Variants in AFF3 observed in about 807,000 individuals in gnomAD.
AFF3 encodes AF4/FMR2 family member 3.
AFF3 carries 32 observed loss-of-function variants against 129.7 expected under a neutral mutation model. The observed-to-expected ratio is 0.25, with a 90% confidence interval of 0.19 to 0.33. The LOEUF (loss-of-function observed/expected upper bound fraction) is 0.33. Ranked by LOEUF, AFF3 falls within the 10% of genes least tolerant of loss-of-function variation. AFF3 has a pLI of 1.00. For synonymous variants in AFF3, 644 were observed against 635.4 expected (o/e 1.01, Z -0.20); for missense variants, 1,373 against 1,592.0 (o/e 0.86, Z 2.34).
chr2:99,869,947 G>C (rs1691744255), intron 7 of AFF3, among the ~76,000 whole-genome samples: 1 of 152,222 alleles, frequency 6.6e-6, no homozygotes, highest in Non-Finnish European at 1.5e-5. Context: ...CACTGAACCA[G>C]ACACAAAGGA....
intron 8 of AFF3, among the ~76,000 whole-genome samples, chr2:99,754,163 T>C (rs11887420): frequency 0.11 from 16,210 of 152,280 alleles, 2,000 homozygotes; most frequent in African/African-American, 0.3. Flanking sequence ...CCTTCCATTT[T>C]CATTACTGGA....
At chr2:99,989,770 A>G (rs961836725) in intron 7 of AFF3, among the ~76,000 whole-genome samples, 7 of 152,234 alleles carry the variant, frequency 4.6e-5, no homozygotes, top group Non-Finnish European at 1.0e-4. Context: ...TTGAAAATTA[A>G]TTCAAAATAT....
chr2:99,901,460 G>A (rs1228188249), intron 7 of AFF3, among the ~76,000 whole-genome samples: 1 of 152,056 alleles, frequency 6.6e-6, no homozygotes, highest in Non-Finnish European at 1.5e-5. Context: ...CTTCACAGCC[G>A]AAGGGACACC....
chr2:99,668,734 G>T (rs1686903613), intron 12 of AFF3, among the ~76,000 whole-genome samples: 1 of 151,250 alleles, frequency 6.6e-6, no homozygotes, highest in South Asian at 2.1e-4. Context: ...GCTAATTTTT[G>T]TATTTTTGGT....
chr2:99,692,232 A>T (rs1013492061), intron 11 of AFF3, among the ~76,000 whole-genome samples: 1 of 152,076 alleles, frequency 6.6e-6, no homozygotes, highest in Non-Finnish European at 1.5e-5. Flanking sequence ...CTCCTGCAAG[A>T]CTCAGTCCCA....
At chr2:100,110,342 T>C (rs968942704) in intron 2 of AFF3, 2 of 152,184 alleles carry the variant, frequency 1.3e-5, no homozygotes, top group African/African-American at 2.4e-5. Context: ...ATCTGTGAAG[T>C]ATTAGCAGAC....
chr2:99,953,564 C>T (rs554023309), intron 7 of AFF3, among the ~76,000 whole-genome samples: 5 of 152,146 alleles, frequency 3.3e-5, no homozygotes, highest in Non-Finnish European at 7.3e-5. Context: ...GATTGTGGAT[C>T]GGTAATAGCT....
At chr2:99,620,307 C>A (rs1392348698) in intron 13 of AFF3, among the ~76,000 whole-genome samples, 4 of 152,148 alleles carry the variant, frequency 2.6e-5, no homozygotes, top group African/African-American at 9.7e-5. Flanking sequence ...ACTTCTAATA[C>A]CCTTCGATAA....
intron 7 of AFF3, among the ~76,000 whole-genome samples, chr2:99,965,151 CA>C (rs1212182757): frequency 6.6e-6 from 1 of 151,578 alleles, no homozygotes; most frequent in Non-Finnish European, 1.5e-5. Flanking sequence ...CACAAATTTT[CA>C]AAAAAAATCA....
chr2:99,979,279 T>C (rs1303246634), intron 7 of AFF3, among the ~76,000 whole-genome samples: 1 of 151,978 alleles, frequency 6.6e-6, no homozygotes, highest in African/African-American at 2.4e-5. Flanking sequence ...GCCTAAGAAC[T>C]AGCTCATCTT....
At chr2:99,974,288 C>T (rs1278647613) in intron 7 of AFF3, among the ~76,000 whole-genome samples, 1 of 152,110 alleles carries the variant, frequency 6.6e-6, no homozygotes, top group East Asian at 1.9e-4. Flanking sequence ...ACCTAGACTT[C>T]GGAAACCTCA....
At chr2:99,810,499 T>C (rs577371848) in intron 8 of AFF3, among the ~76,000 whole-genome samples, 4 of 152,368 alleles carry the variant, frequency 2.6e-5, no homozygotes, top group African/African-American at 4.8e-5. Flanking sequence ...TTAGTACAAA[T>C]ACCTGGGCAA....
chr2:99,999,894 G>C (rs1291332474), intron 7 of AFF3, among the ~76,000 whole-genome samples: 3 of 152,160 alleles, frequency 2.0e-5, no homozygotes, highest in Non-Finnish European at 2.9e-5. Context: ...AGCAGAGAGA[G>C]GGGTCCCAGT....
intron 7 of AFF3, among the ~76,000 whole-genome samples, chr2:99,972,588 G>C (rs987637308): frequency 2.6e-5 from 4 of 152,170 alleles, no homozygotes; most frequent in Non-Finnish European, 4.4e-5. Flanking sequence ...GGGCCTTTAT[G>C]GTATGCTAGG....
At chr2:99,856,214 T>C (rs557770321) in intron 7 of AFF3, among the ~76,000 whole-genome samples, 54 of 152,266 alleles carry the variant, frequency 3.5e-4, no homozygotes, top group African/African-American at 1.2e-3. Flanking sequence ...TAATAATGTA[T>C]CAATATTTGT....
chr2:99,891,537 G>A (rs921651437), intron 7 of AFF3, among the ~76,000 whole-genome samples: 3 of 152,222 alleles, frequency 2.0e-5, no homozygotes, highest in Admixed American at 6.5e-5. Flanking sequence ...TGAAGCTGGG[G>A]AAGACAGACT....
At chr2:99,734,153 G>C (rs563677765) in intron 10 of AFF3, among the ~76,000 whole-genome samples, 16 of 152,204 alleles carry the variant, frequency 1.1e-4, no homozygotes, top group South Asian at 8.3e-4. Flanking sequence ...TCTCTTGACA[G>C]GGTTATTGCT....
intron 18 of AFF3, among the ~76,000 whole-genome samples, chr2:99,572,427 A>G (rs545665820): frequency 1.3e-5 from 2 of 151,972 alleles, no homozygotes; most frequent in African/African-American, 4.8e-5. Flanking sequence ...GCCGGGATAG[A>G]GTTGAATGGT....
chr2:99,778,570 T>C (rs1416735726), intron 8 of AFF3, among the ~76,000 whole-genome samples: 1 of 152,212 alleles, frequency 6.6e-6, no homozygotes, highest in East Asian at 1.9e-4. Context: ...ATCTATGTCA[T>C]CGGTCTGCCA....
Sources: allele counts gnomAD v4.1 joint callset (sites outside exome capture counted in the v4.1 genomes callset), GRCh38; gene constraint gnomAD v4.1.1; transcripts MANE v1.5; gene names NCBI Gene and HGNC (gene_info 2026-07-23, HGNC 2026-07-21).